BRCA2: variants seen among roughly 807,000 people sequenced by gnomAD.
The protein encoded by BRCA2 is breast cancer type 2 susceptibility protein.
BRCA2 carries 203 observed loss-of-function variants against 276.7 expected under a neutral mutation model. The ratio of observed to expected loss-of-function variants is 0.73; its 90% CI spans 0.65 to 0.82. The LOEUF is 0.82. Ranked by LOEUF, BRCA2 falls within the 40% of genes least tolerant of loss-of-function variation. The probability of loss-of-function intolerance (pLI) is 0.00; values close to 1 mark genes in which losing one functional copy is unlikely to be tolerated. For missense variants in BRCA2, 3,920 were observed against 3,915.0 expected, an observed-to-expected ratio of 1.00 and a Z score of -0.03; for synonymous variants, 1,289 against 1,338.4, an observed-to-expected ratio of 0.96 and a Z score of 0.81.
chr13:32,363,500 A>G lies in BRCA2; in HGVS notation c.8298A>G (p.Thr2766=), dbSNP rs730881594. 6.2e-6 allele frequency: 10 copies of G among 1,613,894 alleles called. No individual in the cohort carries two copies. Among genetic ancestry groups the G allele is most frequent in the Non-Finnish European group, 8.5e-6 (10 of 1,179,958 alleles). ...TGGTGGGCTCTCCTGATGCCTGTAC[A>G]CCTCTTGAAGCCCCAGAATCTCTTA... The part of the protein sequence containing the change: ...AELVGSPDAC[T]PLEAPESLML... Residue 2766 remains threonine (T), a synonymous_variant, in exon 18 of 27, where the codon ACA becomes ACG. Transcript: ENST00000380152.
chr13:32,347,274 A>T (rs947000736), intron 13 of BRCA2, among the ~76,000 whole-genome samples: 3 of 152,148 alleles, frequency 2.0e-5, no homozygotes, highest in African/African-American at 7.2e-5. Flanking sequence ...ATAATTCCCA[A>T]GGACAATGAT....
At chr13:32,380,663 C>T (rs1410271295) in intron 24 of BRCA2, among the ~76,000 whole-genome samples, 1 of 151,512 alleles carries the variant, frequency 6.6e-6, no homozygotes, top group Non-Finnish European at 1.5e-5. Flanking sequence ...GCCTCAGCCT[C>T]CCGAGTAGCT....
chr13:32,341,486 G>A (rs1002136792), intron 11 of BRCA2, among the ~76,000 whole-genome samples: 1 of 152,120 alleles, frequency 6.6e-6, no homozygotes, highest in African/African-American at 2.4e-5. Context: ...TAATAATTGA[G>A]AAATTACTGT....
In BRCA2 at chr13:32,376,685, C is replaced by G. The variant is rs762246431; in HGVS notation, c.8648C>G (p.Pro2883Arg). 4 of 1,613,740 alleles carry G rather than the reference C, an allele frequency of 2.5e-6. No individual in the cohort carries two copies. The highest frequency in any genetic ancestry group is 8.5e-7 in the Non-Finnish European group (1 of 1,179,932). ...FEEHEENTTK[P>R]YLPSRALTRQ... ...GTTTTCTTAGAAAACACAACAAAAC[C>G]ATATTTACCATCACGTGCACTAACA... The change falls in exon 21 of 27, where the codon CCA becomes CGA. Residue 2883 changes from proline to arginine, a missense_variant. Pro to Arg is a moderately radical substitution (Grantham distance 103). Transcript: ENST00000380152.
At chr13:32,351,229 C>G (rs146964887) in intron 13 of BRCA2, among the ~76,000 whole-genome samples, 3 of 152,146 alleles carry the variant, frequency 2.0e-5, no homozygotes, top group African/African-American at 7.2e-5. Context: ...ACACTCACCA[C>G]GAAGGTCTGC....
intron 13 of BRCA2, among the ~76,000 whole-genome samples, chr13:32,348,863 T>C: frequency 6.6e-6 from 1 of 152,168 alleles, no homozygotes. Flanking sequence ...TGGAAGAGTT[T>C]GCCTTCAAGA....
At position 32,396,899 on chromosome 13, in the gene BRCA2, A is replaced by T. The variant is rs2137658683; in HGVS notation, c.9503A>T (p.Asn3168Ile). 1 of 1,614,104 alleles carries T rather than the reference A, an allele frequency of 6.2e-7. No homozygotes were observed. Among genetic ancestry groups the T allele is most frequent in the South Asian group, 1.1e-5 (1 of 91,086 alleles). ...CAGCTTTTCCACTTATTTTCTTAGA[A>T]TATTGACATACTTTGCAATGAAGCA... ...TFNKMKNTVE[N>I]IDILCNEAEN... The change falls in exon 26 of 27, where the codon AAT (asparagine) becomes ATT (isoleucine). Residue 3168 changes from asparagine to isoleucine, a missense_variant and splice_region_variant. By Grantham distance (149) the Asn-to-Ile change is moderately radical (BLOSUM62 -3). This residue lies in a region of BRCA2 where 657 missense variants were observed against 758.2 expected (regional missense o/e 0.87). Coordinates refer to ENST00000380152, the MANE Select transcript of BRCA2 (RefSeq NM_000059.4).
chr13:32,398,411 C>T lies in BRCA2; in HGVS notation c.9898C>T (p.Pro3300Ser), dbSNP rs770868371. 1.2e-6 allele frequency: 2 copies of T among 1,614,154 alleles called. No homozygotes were observed. Among genetic ancestry groups the T allele is most frequent in the East Asian group, 4.5e-5 (2 of 44,886 alleles). The change falls in exon 27 of 27, where the codon CCA becomes TCA. Residue 3300 changes from proline (P) to serine (S), a missense_variant. Coordinates refer to ENST00000380152, the MANE Select transcript of BRCA2 (RefSeq NM_000059.4). ...TCCGGCTGCACAGAAGGCATTTCAG[C>T]CACCAAGGAGTTGTGGCACCAAATA... ...VSPAAQKAFQ[P>S]PRSCGTKYET...
intron 11 of BRCA2, among the ~76,000 whole-genome samples, chr13:32,341,914 ATATATACTACTTAGTTACACTACTT>A (rs2072574194): frequency 6.6e-6 from 1 of 151,708 alleles, no homozygotes; most frequent in Admixed American, 6.6e-5. Flanking sequence ...TTACTGGGTA[ATATATACTACTTAGTTACACTACTT>A]ACATAGCTTC....
rs1212282286 is a variant in BRCA2 at position 32,356,459 on chromosome 13, T to C, written c.7467T>C (p.Asp2489=). ...TTACAAGTCTTCAGAATGCCAGAGA[T>C]ATACAGGATATGCGAATTAAGAAGA... ...DLITSLQNAR[D]IQDMRIKKKQ... Residue 2489 remains aspartate, a synonymous_variant, in exon 15 of 27, where the codon GAT becomes GAC. Transcript: ENST00000380152. 6.2e-7 allele frequency: 1 copy of C among 1,614,084 alleles called. No homozygotes were observed. Among genetic ancestry groups the C allele is most frequent in the Non-Finnish European group, 8.5e-7 (1 of 1,179,882 alleles).
intron 24 of BRCA2, among the ~76,000 whole-genome samples, chr13:32,383,217 G>A (rs1213541820): frequency 3.4e-5 from 5 of 148,638 alleles, no homozygotes; most frequent in Non-Finnish European, 4.5e-5. Flanking sequence ...AAAATTAGCC[G>A]GGTGTGGTGG....
rs2072748978 is a variant in BRCA2, at chr13:32,362,683, C to T, written c.7966C>T (p.Leu2656=). The change falls in exon 17 of 27, where the codon CTA becomes TTA. Residue 2656 remains leucine (L), a synonymous_variant. Transcript: ENST00000380152. The part of the protein sequence containing the change: ...CLSPERVLLQ[L]KYRYDTEIDR... ...AAGCCCAGAAAGGGTGCTTCTTCAA[C>T]TAAAATACAGGCAAGTTTAAAGCAT... The T allele has an allele frequency of 6.2e-7, 1 of 1,614,140 alleles. No homozygotes were observed. Among genetic ancestry groups the T allele is most frequent in the Non-Finnish European group, 8.5e-7 (1 of 1,180,014 alleles).
rs202156906 is a variant in BRCA2, at chr13:32,346,098, A to G, written c.6938-729A>G. 1.1e-4 allele frequency among the ~76,000 whole-genome samples: 17 copies of G among 152,118 alleles called. No homozygotes were observed. In the East Asian group the frequency reaches 1.3e-3, roughly 12 times the overall value. On this transcript the variant is annotated intron_variant, in intron 12 of 26. Transcript: ENST00000380152. ...TACATTTGAATAAATAAAACATTAC[A>G]TAGTTCATTCATCAGAACTACAAAA...
chr13:32,380,203 A>T lies in BRCA2; in HGVS notation c.9256+58A>T, dbSNP rs777427197. 1.5e-4 allele frequency: 233 copies of T among 1,535,216 alleles called. 1 individual carries two copies. Among genetic ancestry groups the T allele is most frequent in the Non-Finnish European group, 1.9e-4 (213 of 1,136,888 alleles). ...ATTCTTTTAAAAAACATTGTCTTTT[A>T]AAATCTCTTATGATTAGTTGGAGCT... On this transcript the variant is annotated intron_variant, in intron 24 of 26. Transcript: ENST00000380152.
chr13:32,326,867 T>C (rs148627258), intron 7 of BRCA2, among the ~76,000 whole-genome samples: 1 of 152,364 alleles, frequency 6.6e-6, no homozygotes, highest in East Asian at 1.9e-4. Context: ...CTTACAAATA[T>C]TCCTTTACTG....
intron 13 of BRCA2, among the ~76,000 whole-genome samples, chr13:32,351,342 C>T (rs1242893335): frequency 2.0e-5 from 3 of 152,038 alleles, no homozygotes; most frequent in South Asian, 2.1e-4. Context: ...GGAAGGTCTG[C>T]GGCTTCACTC....
In BRCA2 at chr13:32,319,331, T is replaced by G. The variant is rs81002900; in HGVS notation, c.316+6T>G. 1 of 1,608,582 alleles carries G rather than the reference T, an allele frequency of 6.2e-7. No individual in the cohort carries two copies. The highest frequency in any genetic ancestry group is 8.5e-7 in the Non-Finnish European group (1 of 1,175,212). ...TAAATTCAAATTAGACTTAGGTAAG[T>G]AATGCAATATGGTAGACTGGGGAGA... On this transcript the variant is annotated splice_donor_region_variant and intron_variant, in intron 3 of 26. Transcript: ENST00000380152.
chr13:32,397,470 C>T (rs2073044551), intron 26 of BRCA2, among the ~76,000 whole-genome samples: 1 of 152,154 alleles, frequency 6.6e-6, no homozygotes, highest in African/African-American at 2.4e-5. Flanking sequence ...CTCATTTAAT[C>T]CTCATAACAA....
rs572976024 is a variant in BRCA2, at chr13:32,340,367, A to G, written c.6012A>G (p.Glu2004=). 3.1e-6 allele frequency: 5 copies of G among 1,613,986 alleles called. No individual in the cohort carries two copies. The South Asian group carries it at 3.3e-5, about 11-fold the overall frequency. The change falls in exon 11 of 27, where the codon GAA becomes GAG. Residue 2004 remains glutamate (E), a synonymous_variant. Transcript: ENST00000380152. ...CAAGACAAGTGTTTTCTGAAATAGA[A>G]GATAGTACCAAGCAAGTCTTTTCCA... ...QNARQVFSEI[E]DSTKQVFSKV...
Sources: gnomAD v4.1 joint callset for allele counts (sites outside exome capture counted in the v4.1 genomes callset) on GRCh38, gnomAD v4.1.1 for gene constraint, gnomAD v4.1.1 regional missense constraint, MANE v1.5 for transcripts, NCBI Gene and HGNC (gene_info 2026-07-23, HGNC 2026-07-21) for gene names.